The following GALNT5 variants were observed in gnomAD, a reference collection of about 807,000 sequenced individuals.
GALNT5 encodes UDP-GalNAc:polypeptide N-acetylgalactosaminyltransferase 5.
A neutral mutation model predicts 85.4 loss-of-function variants in GALNT5; 72 were observed. That is an observed-to-expected ratio of 0.84 (90% confidence interval 0.70 to 1.03). GALNT5 has a LOEUF of 1.03. GALNT5 is among the 50% of genes least tolerant of loss of function. The pLI is 0.00. For synonymous variants in GALNT5, 404 were observed against 397.0 expected (o/e 1.02, Z -0.21); for missense variants, 1,137 against 1,135.5 (o/e 1.00, Z -0.02).
chr2:157,260,620 T>C (rs1682316751), intron 1 of GALNT5, among the ~76,000 whole-genome samples: 2 of 152,222 alleles, frequency 1.3e-5, no homozygotes, highest in East Asian at 1.9e-4. Flanking sequence ...ACTTAGCACA[T>C]GTGGCATGTA....
At chr2:157,304,770 G>T (rs1341152972) in intron 7 of GALNT5, among the ~76,000 whole-genome samples, 1 of 152,024 alleles carries the variant, frequency 6.6e-6, no homozygotes, top group Non-Finnish European at 1.5e-5. Context: ...TTACTTTCTT[G>T]TTCACTAAGC....
chr2:157,316,228 T>A lies in GALNT5; in HGVS notation c.*4880T>A, dbSNP rs149001384. Among the ~76,000 whole-genome samples, 668 of 152,222 alleles carry A rather than the reference T, an allele frequency of 4.4e-3. 5 individuals carry two copies. The highest frequency in any genetic ancestry group is 0.016 in the African/African-American group (644 of 41,532). On this transcript the variant is annotated 3_prime_UTR_variant, in exon 10 of 10. Transcript: ENST00000259056. ...CTGGCTTCCAGGTACAGCTGCTAGC[T>A]TTACATATGGGAGCCTCTAGCTTGC...
chr2:157,299,764 G>T, intron 6 of GALNT5, 99 bp downstream of exon 6: 2 of 573,780 alleles, frequency 3.5e-6, no homozygotes, highest in Non-Finnish European at 6.1e-6. Context: ...GACTGCCACT[G>T]AGAGGAAATT....
intron 9 of GALNT5, among the ~76,000 whole-genome samples, chr2:157,310,009 G>C (rs1683534379): frequency 6.6e-6 from 1 of 152,142 alleles, no homozygotes; most frequent in Non-Finnish European, 1.5e-5. Flanking sequence ...TAAGGAGAGA[G>C]AGAGAGAGTG....
Position 157,259,436 on chromosome 2 carries a change from GAGA to G in GALNT5, c.1357_1359del (p.Lys453del). The G allele has an allele frequency of 6.8e-7, 1 of 1,472,252 alleles. No homozygotes were observed. The allele number at this position is 1,472,252 out of a possible 1,614,324, so 91.2% of individuals were successfully genotyped here. On this transcript the variant is annotated inframe_deletion, in exon 1 of 10. Transcript: ENST00000259056. ...TCCTGTAGTTGTCCCCCATGGAAAGGAGAAGGAGGCAGAAAGAAGATGGAAAGA... is the reference window on the plus strand; with the variant it reads ...TCCTGTAGTTGTCCCCCATGGAAAGGAGGAGGCAGAAAGAAGATGGAAAGA...
intron 3 of GALNT5, 113 bp from the exon 4 acceptor site, chr2:157,295,550 T>C: frequency 1.4e-6 from 1 of 717,112 alleles, no homozygotes; most frequent in Non-Finnish European, 2.3e-6. Context: ...AAAAAAAAGG[T>C]CACTGCATTT....
intron 6 of GALNT5, 72 bp from the exon 7 acceptor site, chr2:157,300,604 T>C (rs1011606424): frequency 2.5e-6 from 3 of 1,219,712 alleles, no homozygotes; most frequent in Non-Finnish European, 3.6e-6. Flanking sequence ...AGGTGGTTTC[T>C]TGTCATTGTT....
intron 3 of GALNT5, among the ~76,000 whole-genome samples, chr2:157,294,763 T>TCACA (rs1229435494): frequency 6.9e-6 from 1 of 144,332 alleles, no homozygotes; most frequent in Non-Finnish European, 1.5e-5. Flanking sequence ...TTACACTCTC[T>TCACA]CACACACACA....
intron 1 of GALNT5, among the ~76,000 whole-genome samples, chr2:157,260,062 T>C (rs1237065952): frequency 6.6e-6 from 1 of 152,224 alleles, no homozygotes; most frequent in African/African-American, 2.4e-5. Flanking sequence ...CTTTACTCCC[T>C]AAAATTTAAT....
At chr2:157,308,172 G>A (rs1233680050) in intron 8 of GALNT5, among the ~76,000 whole-genome samples, 2 of 152,182 alleles carry the variant, frequency 1.3e-5, no homozygotes, top group East Asian at 3.9e-4. Flanking sequence ...GTGGTAGACT[G>A]AACATTCCAA....
chr2:157,305,642 C>G, intron 7 of GALNT5, 107 bp from the exon 8 acceptor site: 1 of 675,224 alleles, frequency 1.5e-6, no homozygotes, highest in Non-Finnish European at 2.6e-6. Flanking sequence ...AAGCTATTAA[C>G]TTTTAACCTT....
At chr2:157,299,478 C>A in intron 5 of GALNT5, 70 bp from the exon 6 acceptor site, 2 of 890,156 alleles carry the variant, frequency 2.2e-6, no homozygotes, top group Non-Finnish European at 1.9e-6. Context: ...TACAGATGTA[C>A]AGAGGAACAA....
chr2:157,293,809 C>T (rs1683152993), intron 3 of GALNT5, among the ~76,000 whole-genome samples: 1 of 152,170 alleles, frequency 6.6e-6, no homozygotes, highest in African/African-American at 2.4e-5. Context: ...AGATAACTAT[C>T]CTCATCTTGT....
intron 1 of GALNT5, among the ~76,000 whole-genome samples, chr2:157,280,472 T>C (rs950308629): frequency 6.6e-6 from 1 of 152,200 alleles, no homozygotes; most frequent in Non-Finnish European, 1.5e-5. Context: ...CTACAACATA[T>C]GGAGGGACTG....
At chr2:157,309,894 T>C (rs1193140656) in intron 9 of GALNT5, among the ~76,000 whole-genome samples, 1 of 152,158 alleles carries the variant, frequency 6.6e-6, no homozygotes, top group African/African-American at 2.4e-5. Flanking sequence ...TTATTTTGCA[T>C]AGTGTTAGGA....
At chr2:157,300,139 A>G (rs1683306774) in intron 6 of GALNT5, among the ~76,000 whole-genome samples, 1 of 152,228 alleles carries the variant, frequency 6.6e-6, no homozygotes, top group African/African-American at 2.4e-5. Context: ...AATCTATTAT[A>G]CAATCATTGA....
rs1463165280 is a variant in GALNT5, at chr2:157,260,866, C to T, written c.1454+1330C>T. 2.6e-5 allele frequency among the ~76,000 whole-genome samples: 4 copies of T among 152,206 alleles called. No homozygotes were observed. The East Asian group carries it at 5.8e-4, about 22-fold the overall frequency. ...CTTATACCAAGCACTGTGCCATTCA[C>T]GCTTCTCACCCTGGTGATAATCACA... On this transcript the variant is annotated intron_variant, in intron 1 of 9. Transcript: ENST00000259056.
At chr2:157,263,607 C>G (rs1682397035) in intron 1 of GALNT5, among the ~76,000 whole-genome samples, 1 of 152,176 alleles carries the variant, frequency 6.6e-6, no homozygotes, top group Non-Finnish European at 1.5e-5. Context: ...TTGTCTTTAG[C>G]TTTATTTTGT....
chr2:157,260,348 G>A (rs1413759695), intron 1 of GALNT5, among the ~76,000 whole-genome samples: 2 of 152,220 alleles, frequency 1.3e-5, no homozygotes, highest in Admixed American at 1.3e-4. Flanking sequence ...CTTTCTCAAG[G>A]TAATGCAGTT....
Sources: allele counts gnomAD v4.1 joint callset (sites outside exome capture counted in the v4.1 genomes callset), GRCh38; gene constraint gnomAD v4.1.1; transcripts MANE v1.5; gene names NCBI Gene and HGNC (gene_info 2026-07-23, HGNC 2026-07-21).